Variants in BOLA3 observed in about 807,000 individuals in gnomAD.
BOLA3 encodes the protein bolA family member 3, also known as bolA-like protein 3.
In BOLA3, 8 loss-of-function variants were observed where a neutral mutation model predicts 14.5. The observed-to-expected ratio is 0.55, with a 90% CI of 0.32 to 0.99. The LOEUF (loss-of-function observed/expected upper bound fraction) is 0.99. BOLA3 is among the 50% of genes least tolerant of loss of function. The pLI is 0.04. For synonymous variants in BOLA3, 42 were observed against 45.7 expected, an observed-to-expected ratio of 0.92 and a Z score of 0.33; for missense variants, 115 against 138.2, an observed-to-expected ratio of 0.83 and a Z score of 0.84.
intron 3 of BOLA3, among the ~76,000 whole-genome samples, chr2:74,140,507 C>A (rs948218894): frequency 2.0e-5 from 3 of 152,184 alleles, no homozygotes; most frequent in African/African-American, 7.2e-5. Flanking sequence ...CAGCCCCGTC[C>A]TGCAGTAAGC....
At chr2:74,146,064 C>T (rs828886) in intron 1 of BOLA3, 49,430 of 150,946 alleles carry the variant, frequency 0.33, 9,367 homozygotes, top group Middle Eastern at 0.46. Context: ...ACAATCTCAG[C>T]TCACTGCAAC....
intron 3 of BOLA3, among the ~76,000 whole-genome samples, chr2:74,135,967 T>A (rs1212740171): frequency 4.4e-5 from 6 of 137,818 alleles, no homozygotes; most frequent in East Asian, 2.4e-4. Context: ...TTTTTTTTTT[T>A]AAGTCATGGT....
Position 74,135,509 on chromosome 2 carries a change from T to C in BOLA3, c.*84A>G, listed in dbSNP as rs1223816262. On this transcript the variant is annotated 3_prime_UTR_variant, in exon 4 of 4. Coordinates refer to ENST00000327428, the MANE Select transcript of BOLA3 (RefSeq NM_212552.3). ...TGTATATGAGCAAAATATATAAATT[T>C]TTTGGTGACTGCTTAGGGAAGAATG... 3 of 1,576,070 alleles carry C rather than the reference T, an allele frequency of 1.9e-6. No homozygotes were observed. Among genetic ancestry groups the C allele is most frequent in the South Asian group, 2.2e-5 (2 of 90,174 alleles).
At position 74,135,407 on chromosome 2, in the gene BOLA3, T is replaced by C; in HGVS notation, c.*186A>G. On this transcript the variant is annotated 3_prime_UTR_variant, in exon 4 of 4. Transcript: ENST00000327428. Reference sequence around the variant, plus strand: ...AACCTGAAACATTACTAATGACCCTTCAAAAGCTTCAGTTGTTTGTTTCCT... The same window carrying C: ...AACCTGAAACATTACTAATGACCCTCCAAAAGCTTCAGTTGTTTGTTTCCT... 1 of 1,013,276 alleles carries C rather than the reference T, an allele frequency of 9.9e-7. No individual in the cohort carries two copies. The highest frequency in any genetic ancestry group is 1.5e-6 in the Non-Finnish European group (1 of 665,682). The allele number at this position is 1,013,276 out of a possible 1,614,324, so 62.8% of individuals were successfully genotyped here.
intron 3 of BOLA3, among the ~76,000 whole-genome samples, chr2:74,136,033 T>C (rs1692320142): frequency 6.7e-6 from 1 of 149,522 alleles, no homozygotes; most frequent in Non-Finnish European, 1.5e-5. Context: ...TACTGCAAAC[T>C]CCACCTCCTG....
chr2:74,144,900 T>C (rs1438747685), intron 2 of BOLA3, among the ~76,000 whole-genome samples: 2 of 152,332 alleles, frequency 1.3e-5, no homozygotes, highest in African/African-American at 4.8e-5. Context: ...AATGACAGAC[T>C]GTGGACCTCA....
At chr2:74,147,539 G>GTATTTC in intron 1 of BOLA3, 1 of 478,772 alleles carries the variant, frequency 2.1e-6, no homozygotes, top group Non-Finnish European at 3.7e-6. Flanking sequence ...TCCTGTGCCC[G>GTATTTC]CAGTATTATG....
At chr2:74,139,570 C>A (rs149727452) in intron 3 of BOLA3, among the ~76,000 whole-genome samples, 2 of 152,198 alleles carry the variant, frequency 1.3e-5, no homozygotes, top group African/African-American at 2.4e-5. Context: ...CAGACCCTGC[C>A]GGCCAACAGA....
At chr2:74,140,664 C>A (rs985457321) in intron 3 of BOLA3, among the ~76,000 whole-genome samples, 2 of 152,206 alleles carry the variant, frequency 1.3e-5, no homozygotes, top group Non-Finnish European at 1.5e-5. Flanking sequence ...GAATCACAGC[C>A]CTTCCCCACC....
chr2:74,147,028 T>A (rs1048936675), intron 1 of BOLA3: 2 of 152,374 alleles, frequency 1.3e-5, no homozygotes, highest in African/African-American at 4.8e-5. Flanking sequence ...GGGGGCAGAA[T>A]CTTGAGGGTA....
chr2:74,143,162 C>CTT lies in BOLA3; in HGVS notation c.170-804_170-803dup, dbSNP rs11420248. 8.3e-3 allele frequency among the ~76,000 whole-genome samples: 1,239 copies of CTT among 149,186 alleles called. 8 individuals are homozygous for CTT. Among genetic ancestry groups the CTT allele is most frequent in the Non-Finnish European group, 0.014 (936 of 67,148 alleles). ...GTACTCAACAGGCTTTGCTCTGCTT[C>CTT]TTTTTTTTTTTGAGATGGAGTCTCG... On this transcript the variant is annotated intron_variant, in intron 2 of 3. Coordinates refer to ENST00000327428, the MANE Select transcript of BOLA3 (RefSeq NM_212552.3).
chr2:74,145,672 G>A (rs1237886806), intron 1 of BOLA3: 2 of 319,320 alleles, frequency 6.3e-6, no homozygotes, highest in Non-Finnish European at 1.2e-5. Flanking sequence ...GGTTGAATTC[G>A]GTAAGATACA....
intron 3 of BOLA3, among the ~76,000 whole-genome samples, chr2:74,140,402 A>G (rs555561387): frequency 1.3e-5 from 2 of 152,352 alleles, no homozygotes; most frequent in East Asian, 3.8e-4. Flanking sequence ...CCAATAAGAA[A>G]ACACAAGCCA....
chr2:74,143,982 G>A (rs1692493875), intron 2 of BOLA3, among the ~76,000 whole-genome samples: 1 of 144,898 alleles, frequency 6.9e-6, no homozygotes, highest in Non-Finnish European at 1.5e-5. Flanking sequence ...ACAGACATGA[G>A]CCACCGCGCC....
chr2:74,138,490 T>G (rs1231176767), intron 3 of BOLA3, among the ~76,000 whole-genome samples: 1 of 152,222 alleles, frequency 6.6e-6, no homozygotes, highest in East Asian at 1.9e-4. Flanking sequence ...GCCCTGGAGC[T>G]GGAGCCAGAG....
At chr2:74,139,728 T>G (rs1692402614) in intron 3 of BOLA3, among the ~76,000 whole-genome samples, 1 of 152,204 alleles carries the variant, frequency 6.6e-6, no homozygotes, top group Non-Finnish European at 1.5e-5. Flanking sequence ...GTGGCCAGGC[T>G]CAGGGGACCC....
intron 3 of BOLA3, among the ~76,000 whole-genome samples, chr2:74,141,511 A>G (rs1572941837): frequency 6.6e-6 from 1 of 152,154 alleles, no homozygotes; most frequent in East Asian, 1.9e-4. Context: ...ATAGAGAAAG[A>G]GAGAGACCAG....
chr2:74,137,708 C>T (rs559158569), intron 3 of BOLA3, among the ~76,000 whole-genome samples: 16 of 152,278 alleles, frequency 1.1e-4, no homozygotes, highest in African/African-American at 3.8e-4. Context: ...ATGTTCCTGA[C>T]TTGCCCTGAT....
intron 3 of BOLA3, among the ~76,000 whole-genome samples, chr2:74,138,835 T>C (rs1692384346): frequency 6.6e-6 from 1 of 152,168 alleles, no homozygotes; most frequent in Non-Finnish European, 1.5e-5. Flanking sequence ...CTGTGGTCAA[T>C]GCCTCATGCA....
Sources: allele counts gnomAD v4.1 joint callset (sites outside exome capture counted in the v4.1 genomes callset), GRCh38; gene constraint gnomAD v4.1.1; transcripts MANE v1.5; gene names NCBI Gene and HGNC (gene_info 2026-07-23, HGNC 2026-07-21).